Variants in TMEM135 observed in about 807,000 individuals in gnomAD.
TMEM135 encodes the protein transmembrane protein 135.
A neutral mutation model predicts 60.3 loss-of-function variants in TMEM135; 30 were observed. That is an observed-to-expected ratio of 0.50 (90% CI 0.37 to 0.68). The LOEUF is 0.68. Among genes scored for constraint, TMEM135 ranks in the 30% least tolerant of loss-of-function variants. TMEM135 has a pLI of 0.00. For synonymous variants in TMEM135, 190 were observed against 186.7 expected (o/e 1.02, Z -0.14); for missense variants, 468 against 548.8 (o/e 0.85, Z 1.47).
chr11:87,116,107 A>G (rs1591030464), intron 4 of TMEM135, among the ~76,000 whole-genome samples: 1 of 152,152 alleles, frequency 6.6e-6, no homozygotes, highest in Non-Finnish European at 1.5e-5. Context: ...TTACTGTTTT[A>G]TAGTTTCCAT....
chr11:87,186,820 G>T lies in TMEM135; in HGVS notation c.462+29414G>T, dbSNP rs201671507. On this transcript the variant is annotated intron_variant, in intron 5 of 14. Coordinates refer to ENST00000305494, the MANE Select transcript of TMEM135 (RefSeq NM_022918.4). ...ATTTATGGCCTAATTTTTTTACTCT[G>T]TGATATCCCACATTTTGATTTAAAA... 7.2e-5 allele frequency among the ~76,000 whole-genome samples: 11 copies of T among 152,204 alleles called. No homozygotes were observed. The East Asian group carries it at 2.1e-3, about 29-fold the overall frequency.
intron 6 of TMEM135, among the ~76,000 whole-genome samples, chr11:87,249,823 T>G (rs1428308458): frequency 6.6e-6 from 1 of 152,194 alleles, no homozygotes; most frequent in Non-Finnish European, 1.5e-5. Flanking sequence ...ACTATTGTCC[T>G]CATAGAATGA....
intron 5 of TMEM135, among the ~76,000 whole-genome samples, chr11:87,202,113 C>T (rs1306549729): frequency 6.6e-6 from 1 of 152,124 alleles, no homozygotes; most frequent in Non-Finnish European, 1.5e-5. Flanking sequence ...GCAACCTCCA[C>T]CTCCCTGATT....
At chr11:87,123,116 TATC>T (rs1194021081) in intron 4 of TMEM135, among the ~76,000 whole-genome samples, 4 of 152,222 alleles carry the variant, frequency 2.6e-5, no homozygotes, top group East Asian at 1.9e-4. Flanking sequence ...TGTCAACAAA[TATC>T]ATTCTTTTGT....
intron 1 of TMEM135, among the ~76,000 whole-genome samples, chr11:87,045,494 C>A (rs1344190131): frequency 2.0e-5 from 3 of 151,382 alleles, no homozygotes; most frequent in Non-Finnish European, 2.9e-5. Context: ...CTGAGTAGAG[C>A]AGGCCAATTC....
chr11:87,322,176 G>A lies in TMEM135; in HGVS notation c.*843G>A. On this transcript the variant is annotated 3_prime_UTR_variant, in exon 15 of 15. Coordinates refer to ENST00000305494, the MANE Select transcript of TMEM135 (RefSeq NM_022918.4). ...TATGATGTTTGTTTTCATTTATATGGACATAATCCTTCATAGCTCAGTTTA... is the reference window on the plus strand; with the variant it reads ...TATGATGTTTGTTTTCATTTATATGAACATAATCCTTCATAGCTCAGTTTA... 1 of 454,312 alleles carries A rather than the reference G, an allele frequency of 2.2e-6. No individual in the cohort carries two copies. The highest frequency in any genetic ancestry group is 2.4e-5 in the Admixed American group (1 of 42,542). The allele number at this position is 454,312 out of a possible 1,614,324, so 28.1% of individuals were successfully genotyped here.
Position 87,302,035 on chromosome 11 carries a change from T to C in TMEM135, c.552-261T>C, listed in dbSNP as rs563524442. Among the ~76,000 whole-genome samples the C allele has an allele frequency of 3.3e-5, 5 of 152,314 alleles. 1 individual carries two copies. In the South Asian group the frequency reaches 1.0e-3, roughly 32 times the overall value. On this transcript the variant is annotated intron_variant, in intron 7 of 14. Transcript: ENST00000305494. ...AAGTTAAAGGGTGCTTCATTAAGTGTTGTGCTGTATTTTACTTGGTCAGTT... is the reference window on the plus strand; with the variant it reads ...AAGTTAAAGGGTGCTTCATTAAGTGCTGTGCTGTATTTTACTTGGTCAGTT...
chr11:87,220,488 A>G (rs571451464), intron 5 of TMEM135, among the ~76,000 whole-genome samples: 1 of 152,302 alleles, frequency 6.6e-6, no homozygotes, highest in South Asian at 2.1e-4. Flanking sequence ...TATTGCGAGA[A>G]CTTAGTTTTT....
At chr11:87,262,950 T>A (rs1941679197) in intron 6 of TMEM135, among the ~76,000 whole-genome samples, 1 of 152,134 alleles carries the variant, frequency 6.6e-6, no homozygotes. Flanking sequence ...GAGTTCTGAG[T>A]TGTTTTTGTT....
chr11:87,168,181 C>G (rs1177112780), intron 5 of TMEM135, among the ~76,000 whole-genome samples: 2 of 151,978 alleles, frequency 1.3e-5, no homozygotes, highest in African/African-American at 4.8e-5. Flanking sequence ...TTTATTGTGT[C>G]TATTTTATTC....
At chr11:87,166,828 C>G (rs1939064029) in intron 5 of TMEM135, among the ~76,000 whole-genome samples, 1 of 151,756 alleles carries the variant, frequency 6.6e-6, no homozygotes, top group Non-Finnish European at 1.5e-5. Flanking sequence ...GTAGTTTTTT[C>G]TAATTCTGTG....
At chr11:87,242,002 G>GC (rs1941147248) in intron 6 of TMEM135, among the ~76,000 whole-genome samples, 1 of 143,490 alleles carries the variant, frequency 7.0e-6, no homozygotes, top group Non-Finnish European at 1.5e-5. Context: ...CTCTCTCCCT[G>GC]CCCCCCACCC....
At chr11:87,276,286 A>C (rs958226398) in intron 6 of TMEM135, among the ~76,000 whole-genome samples, 4 of 152,128 alleles carry the variant, frequency 2.6e-5, no homozygotes, top group African/African-American at 9.7e-5. Context: ...TTTTCATAAC[A>C]GTCTTATATA....
chr11:87,083,284 T>A (rs891123699), intron 3 of TMEM135, among the ~76,000 whole-genome samples: 1 of 152,206 alleles, frequency 6.6e-6, no homozygotes, highest in African/African-American at 2.4e-5. Flanking sequence ...ATTGGTAACA[T>A]CTAGTTTATC....
At chr11:87,150,318 A>G (rs1211590123) in intron 4 of TMEM135, among the ~76,000 whole-genome samples, 1 of 152,150 alleles carries the variant, frequency 6.6e-6, no homozygotes, top group Non-Finnish European at 1.5e-5. Context: ...TGAATTCCAC[A>G]ATGCAGAGGC....
intron 1 of TMEM135, among the ~76,000 whole-genome samples, chr11:87,053,191 C>CAA (rs71274420): frequency 2.9e-3 from 206 of 72,144 alleles, no homozygotes; most frequent in African/African-American, 0.01. Context: ...GGAGGGATAG[C>CAA]AAAAAAAAAA....
intron 9 of TMEM135, among the ~76,000 whole-genome samples, chr11:87,307,635 C>G (rs1942574831): frequency 6.6e-6 from 1 of 152,122 alleles, no homozygotes; most frequent in Admixed American, 6.5e-5. Context: ...TGTACCAGTA[C>G]TGTAAACTTG....
At chr11:87,156,305 TTTC>T (rs1938694245) in intron 4 of TMEM135, among the ~76,000 whole-genome samples, 1 of 152,210 alleles carries the variant, frequency 6.6e-6, no homozygotes, top group African/African-American at 2.4e-5. Flanking sequence ...GTCCTTCAAC[TTTC>T]TTCTTCTTTT....
At position 87,043,824 on chromosome 11, in the gene TMEM135, T is replaced by G. The variant is rs78484290; in HGVS notation, c.141+5638T>G. On this transcript the variant is annotated intron_variant, in intron 1 of 14. Transcript: ENST00000305494. ...TTGTTTTTGTGGCAAATTTAGAATATACAGTTGCCCACTTGGGAGTATGGA... is the reference window on the plus strand; with the variant it reads ...TTGTTTTTGTGGCAAATTTAGAATAGACAGTTGCCCACTTGGGAGTATGGA... Among the ~76,000 whole-genome samples the G allele has an allele frequency of 8.5e-3, 1,288 of 152,194 alleles. 29 individuals are homozygous for G. The highest frequency in any genetic ancestry group is 0.029 in the African/African-American group (1,195 of 41,462).
Sources: allele counts gnomAD v4.1 joint callset (sites outside exome capture counted in the v4.1 genomes callset), GRCh38; gene constraint gnomAD v4.1.1; transcripts MANE v1.5; gene names NCBI Gene and HGNC (gene_info 2026-07-23, HGNC 2026-07-21).